HOGA1: variants seen among roughly 807,000 people sequenced by gnomAD.
HOGA1 encodes the protein 4-hydroxy-2-oxoglutarate aldolase 1.
In HOGA1, 30 loss-of-function variants were observed where a neutral mutation model predicts 34.3. That is an observed-to-expected ratio of 0.87 (90% CI 0.65 to 1.19). The LOEUF (loss-of-function observed/expected upper bound fraction) is 1.19. Ranked by LOEUF, HOGA1 falls within the 50% of genes most tolerant of loss-of-function variation. The pLI, the probability that HOGA1 is intolerant of heterozygous loss-of-function variation, is 0.00. For synonymous variants in HOGA1, 161 were observed against 174.0 expected, an observed-to-expected ratio of 0.93 and a Z score of 0.59; for missense variants, 417 against 436.5, an observed-to-expected ratio of 0.96 and a Z score of 0.40.
intron 1 of HOGA1, among the ~76,000 whole-genome samples, chr10:97,586,528 G>C (rs76971297): frequency 6.6e-6 from 1 of 152,220 alleles, no homozygotes; most frequent in African/African-American, 2.4e-5. Context: ...TGCTTGGCTC[G>C]TGGGGCCTGG....
intron 1 of HOGA1, among the ~76,000 whole-genome samples, chr10:97,587,919 G>T (rs1248435607): frequency 1.3e-5 from 2 of 150,600 alleles, no homozygotes; most frequent in African/African-American, 4.9e-5. Flanking sequence ...AAAGCAATCT[G>T]CCCATCTCAG....
intron 5 of HOGA1, among the ~76,000 whole-genome samples, chr10:97,601,269 G>C (rs997542383): frequency 2.0e-5 from 3 of 152,132 alleles, no homozygotes; most frequent in African/African-American, 7.2e-5. Context: ...CAGAAGTGGC[G>C]GGGGTTTCTG....
intron 1 of HOGA1, among the ~76,000 whole-genome samples, chr10:97,587,562 G>A (rs1039307888): frequency 6.6e-6 from 1 of 152,110 alleles, no homozygotes; most frequent in Non-Finnish European, 1.5e-5. Context: ...AGGCTGGAGT[G>A]CAGTGGCATG....
chr10:97,601,784 G>A (rs2041118743), intron 5 of HOGA1, 73 bp from the exon 6 acceptor site: 1 of 1,575,068 alleles, frequency 6.3e-7, no homozygotes, highest in Non-Finnish European at 8.7e-7. Flanking sequence ...GGCTGAAGAG[G>A]TGCTGGGACC....
At chr10:97,600,335 G>A (rs2041106926) in intron 5 of HOGA1, 172 bp downstream of exon 5, 2 of 670,646 alleles carry the variant, frequency 3.0e-6, no homozygotes, top group East Asian at 2.7e-5. Flanking sequence ...GTCTGAATTC[G>A]GGATGCTGTG....
rs370304849 is a variant in HOGA1, at chr10:97,612,774, G to A, written c.*1115G>A. On this transcript the variant is annotated 3_prime_UTR_variant, in exon 7 of 7. Transcript: ENST00000370646. ...TTTTATTATTAAAAATAGTCACTTT[G>A]TTACTATAATAAAATTTAACAGAAA... 4 of 152,172 alleles carry A rather than the reference G, an allele frequency of 2.6e-5. No homozygotes were observed. The highest frequency in any genetic ancestry group is 9.7e-5 in the African/African-American group (4 of 41,442). 9.4% of individuals were successfully genotyped at this position (152,172 alleles called of 1,614,324 possible). A position where few individuals can be genotyped will look rare whatever the true frequency, so the allele number is the denominator to read the frequency against.
intron 6 of HOGA1, 32 bp downstream of exon 6, chr10:97,602,022 CGGG>C: frequency 3.1e-6 from 5 of 1,592,268 alleles, no homozygotes; most frequent in Non-Finnish European, 4.3e-6. Flanking sequence ...CGCGGCCTGG[CGGG>C]GGGTGGGCAG....
intron 1 of HOGA1, among the ~76,000 whole-genome samples, chr10:97,594,661 AT>A (rs1027486369): frequency 2.1e-5 from 3 of 144,826 alleles, no homozygotes; most frequent in Non-Finnish European, 3.0e-5. Flanking sequence ...CCTAATTTTA[AT>A]TTTTTTTTAG....
chr10:97,601,802 G>T, intron 5 of HOGA1, 55 bp from the exon 6 acceptor site: 1 of 1,608,940 alleles, frequency 6.2e-7, no homozygotes, highest in Non-Finnish European at 8.5e-7. Context: ...ACCAGGGCTT[G>T]GGATGCCTGG....
chr10:97,601,654 G>A (rs1023339464), intron 5 of HOGA1, among the ~76,000 whole-genome samples: 3 of 152,116 alleles, frequency 2.0e-5, no homozygotes, highest in Admixed American at 1.3e-4. Flanking sequence ...CTTGACCTGC[G>A]GGATTCTATT....
At chr10:97,591,146 G>A (rs1488331842) in intron 1 of HOGA1, among the ~76,000 whole-genome samples, 1 of 152,166 alleles carries the variant, frequency 6.6e-6, no homozygotes, top group Admixed American at 6.5e-5. Flanking sequence ...CCCCCAATCT[G>A]ATGTTGCCAG....
intron 1 of HOGA1, chr10:97,589,604 C>A (rs1367301328): frequency 2.5e-6 from 1 of 397,090 alleles, no homozygotes; most frequent in South Asian, 3.8e-5. Flanking sequence ...AGGGATGCTG[C>A]GGCCTCTCCC....
rs754306565 is a variant in HOGA1 at position 97,601,922 on chromosome 10, CTG to C, written c.769_770del (p.Cys257LeufsTer17). On this transcript the variant is annotated frameshift_variant, in exon 6 of 7. Coordinates refer to ENST00000370646, the MANE Select transcript of HOGA1 (RefSeq NM_138413.4). LOFTEE classifies it high-confidence loss of function. ...LGAQVCQLER[L>X]CCTGQWEDAQ... ...GGCTCAGGTGTGCCAGCTGGAGCGA[CTG>C]TGCTGCACGGGGCAATGGGAAGATG... The C allele has an allele frequency of 3.7e-6, 6 of 1,613,202 alleles. No individual in the cohort carries two copies. Among genetic ancestry groups the C allele is most frequent in the South Asian group, 1.1e-5 (1 of 90,956 alleles).
chr10:97,589,840 G>A, intron 1 of HOGA1: 2 of 1,380,710 alleles, frequency 1.4e-6, no homozygotes, highest in Non-Finnish European at 1.0e-6. Flanking sequence ...AGCTCATCCA[G>A]CAGCCATCAT....
At chr10:97,593,950 C>A (rs1415539185) in intron 1 of HOGA1, among the ~76,000 whole-genome samples, 1 of 152,054 alleles carries the variant, frequency 6.6e-6, no homozygotes, top group African/African-American at 2.4e-5. Context: ...CTCACTGTAA[C>A]CTCTGCCTCC....
At chr10:97,591,832 T>TGTGTGTGTGC (rs2041027104) in intron 1 of HOGA1, among the ~76,000 whole-genome samples, 3 of 147,602 alleles carry the variant, frequency 2.0e-5, no homozygotes, top group Admixed American at 6.8e-5. Flanking sequence ...TGTGTGTGTG[T>TGTGTGTGTGC]GTGTGTGTGT....
chr10:97,593,600 C>T (rs1050148248), intron 1 of HOGA1, among the ~76,000 whole-genome samples: 8 of 152,098 alleles, frequency 5.3e-5, no homozygotes, highest in East Asian at 3.8e-4. Flanking sequence ...AAACTTTGGC[C>T]GCAGACCAGG....
chr10:97,589,331 G>A (rs145780266), intron 1 of HOGA1, among the ~76,000 whole-genome samples: 1 of 152,110 alleles, frequency 6.6e-6, no homozygotes, highest in Non-Finnish European at 1.5e-5. Flanking sequence ...CAGATGGCTA[G>A]GAATGGATAC....
chr10:97,586,869 T>C (rs2040975188), intron 1 of HOGA1, among the ~76,000 whole-genome samples: 2 of 152,130 alleles, frequency 1.3e-5, no homozygotes, highest in African/African-American at 4.8e-5. Flanking sequence ...ATCTGATCAC[T>C]CACCCACACA....
Sources: gnomAD v4.1 joint callset for allele counts (sites outside exome capture counted in the v4.1 genomes callset) on GRCh38, gnomAD v4.1.1 for gene constraint, MANE v1.5 for transcripts, NCBI Gene and HGNC (gene_info 2026-07-23, HGNC 2026-07-21) for gene names.